The following DTL variants were observed in gnomAD, a reference collection of about 807,000 sequenced individuals.
DTL encodes denticleless E3 ubiquitin protein ligase adapter.
A neutral mutation model predicts 87.0 loss-of-function variants in DTL; 46 were observed. That is an observed-to-expected ratio of 0.53 (90% confidence interval 0.42 to 0.68). The LOEUF (loss-of-function observed/expected upper bound fraction) is 0.68. DTL is among the 30% of genes least tolerant of loss of function. The pLI, the probability that DTL is intolerant of heterozygous loss-of-function variation, is 0.00. For missense variants in DTL, 737 were observed against 869.4 expected, an observed-to-expected ratio of 0.85 and a Z score of 1.91; for synonymous variants, 308 against 311.2, an observed-to-expected ratio of 0.99 and a Z score of 0.11.
chr1:212,063,729 G>A (rs1334878058), intron 6 of DTL, among the ~76,000 whole-genome samples: 1 of 151,940 alleles, frequency 6.6e-6, no homozygotes, highest in Non-Finnish European at 1.5e-5. Context: ...TTAAAAAATT[G>A]GTAACATAGT....
At chr1:212,047,500 C>T in intron 5 of DTL, 83 bp downstream of exon 5, 1 of 1,550,978 alleles carries the variant, frequency 6.4e-7, no homozygotes, top group Admixed American at 1.8e-5. Context: ...TCTACCCTTT[C>T]CCCTGTCAAA....
At chr1:212,058,021 T>C (rs1668231093) in intron 5 of DTL, among the ~76,000 whole-genome samples, 1 of 152,160 alleles carries the variant, frequency 6.6e-6, no homozygotes, top group African/African-American at 2.4e-5. Flanking sequence ...AGCCAAAGGA[T>C]ATATCAATTG....
chr1:212,096,371 T>A (rs1435172914), intron 13 of DTL, among the ~76,000 whole-genome samples: 2 of 152,194 alleles, frequency 1.3e-5, no homozygotes, highest in African/African-American at 4.8e-5. Flanking sequence ...TTCATTTTTA[T>A]TAAGTTCTAC....
chr1:212,099,310 T>C (rs1655542487), intron 13 of DTL, among the ~76,000 whole-genome samples: 1 of 152,162 alleles, frequency 6.6e-6, no homozygotes, highest in African/African-American at 2.4e-5. Flanking sequence ...CTTGGCTCAC[T>C]GCAACTTCCA....
intron 13 of DTL, among the ~76,000 whole-genome samples, chr1:212,083,445 G>A (rs1030102476): frequency 1.3e-5 from 2 of 152,166 alleles, no homozygotes; most frequent in Admixed American, 6.5e-5. Context: ...TAGTGTAAAT[G>A]TGGTACTAGC....
At chr1:212,079,962 G>A (rs1654942409) in intron 12 of DTL, among the ~76,000 whole-genome samples, 1 of 152,200 alleles carries the variant, frequency 6.6e-6, no homozygotes, top group African/African-American at 2.4e-5. Flanking sequence ...AGCTCTTCAA[G>A]CTGGACTTTC....
intron 11 of DTL, among the ~76,000 whole-genome samples, chr1:212,073,186 G>A (rs1654728200): frequency 6.6e-6 from 1 of 152,180 alleles, no homozygotes; most frequent in African/African-American, 2.4e-5. Flanking sequence ...ACAACAGGTA[G>A]CACTTGCTTA....
At chr1:212,044,628 T>G in intron 2 of DTL, 32 bp from the exon 3 acceptor site, 1 of 1,279,724 alleles carries the variant, frequency 7.8e-7, no homozygotes, top group Non-Finnish European at 1.1e-6. Context: ...ATTGTGTTAC[T>G]CTATATATTT....
At chr1:212,082,542 GA>G (rs1309996070) in intron 13 of DTL, among the ~76,000 whole-genome samples, 2 of 152,196 alleles carry the variant, frequency 1.3e-5, no homozygotes, top group Admixed American at 6.5e-5. Context: ...TACACAGTAG[GA>G]GGGTAGGCCT....
intron 1 of DTL, among the ~76,000 whole-genome samples, chr1:212,039,424 G>A (rs970841621): frequency 1.3e-5 from 2 of 152,140 alleles, no homozygotes; most frequent in Admixed American, 6.6e-5. Flanking sequence ...ATCAGTGCAA[G>A]GTTTAAGATT....
chr1:212,101,758 C>A (rs2102590772), intron 14 of DTL, among the ~76,000 whole-genome samples: 1 of 152,214 alleles, frequency 6.6e-6, no homozygotes, highest in African/African-American at 2.4e-5. Context: ...CATTGACTGA[C>A]TTAATATTTA....
chr1:212,051,097 T>C (rs187604166), intron 5 of DTL, among the ~76,000 whole-genome samples: 281 of 152,294 alleles, frequency 1.8e-3, no homozygotes, highest in Non-Finnish European at 2.8e-3. Context: ...AGCCTTTTTT[T>C]GCTTTCAACC....
intron 11 of DTL, among the ~76,000 whole-genome samples, chr1:212,073,654 A>G (rs2102559434): frequency 6.6e-6 from 1 of 152,258 alleles, no homozygotes; most frequent in East Asian, 1.9e-4. Flanking sequence ...TACTAACAAT[A>G]TCCTAAATAG....
chr1:212,076,095 T>C (rs1235889027), intron 11 of DTL, among the ~76,000 whole-genome samples: 1 of 152,224 alleles, frequency 6.6e-6, no homozygotes, highest in African/African-American at 2.4e-5. Context: ...GACCACATTT[T>C]GTTTATTCAT....
intron 13 of DTL, 90 bp from the exon 14 acceptor site, chr1:212,100,162 A>G: frequency 1.0e-6 from 1 of 962,480 alleles, no homozygotes; most frequent in Non-Finnish European, 1.5e-6. Flanking sequence ...CCCTTAGATG[A>G]TTAGGTTAGC....
intron 5 of DTL, among the ~76,000 whole-genome samples, chr1:212,061,267 G>A (rs949199631): frequency 2.0e-5 from 3 of 151,504 alleles, no homozygotes; most frequent in African/African-American, 7.3e-5. Flanking sequence ...AAAAAAGTAG[G>A]CAAAGACCAT....
chr1:212,059,793 A>AC (rs1668288080), intron 5 of DTL, among the ~76,000 whole-genome samples: 1 of 133,552 alleles, frequency 7.5e-6, no homozygotes, highest in Non-Finnish European at 1.7e-5. Context: ...AAAAAAAAAA[A>AC]AAAAAAAAAA....
intron 5 of DTL, among the ~76,000 whole-genome samples, chr1:212,056,671 A>G (rs1668187393): frequency 6.6e-6 from 1 of 152,192 alleles, no homozygotes; most frequent in Admixed American, 6.5e-5. Flanking sequence ...AAAATCCTGG[A>G]AAAATGATCC....
At position 212,104,592 on chromosome 1, in the gene DTL, A is replaced by G. The variant is rs887659063; in HGVS notation, c.*1652A>G. 6.6e-6 allele frequency: 1 copy of G among 152,030 alleles called. No homozygotes were observed. The highest frequency in any genetic ancestry group is 2.4e-5 in the African/African-American group (1 of 41,378). 9.4% of individuals were successfully genotyped at this position (152,030 alleles called of 1,614,324 possible). ...GAAAGCCAATGGGGGAAAAAAATCC[A>G]TGAAAAAAAAAAGATTGATAAAGTA... On this transcript the variant is annotated 3_prime_UTR_variant, in exon 15 of 15. Transcript: ENST00000366991.
Sources: gnomAD v4.1 joint callset for allele counts (sites outside exome capture counted in the v4.1 genomes callset) on GRCh38, gnomAD v4.1.1 for gene constraint, MANE v1.5 for transcripts, NCBI Gene and HGNC (gene_info 2026-07-23, HGNC 2026-07-21) for gene names.